Variants in NR2F2 observed in about 807,000 individuals in gnomAD.
NR2F2 encodes nuclear receptor subfamily 2 group F member 2, also known as COUP transcription factor 2.
In NR2F2, 2 loss-of-function variants were observed where a neutral mutation model predicts 34.8. The ratio of observed to expected loss-of-function variants is 0.06; its 90% CI spans 0.02 to 0.18. The LOEUF (loss-of-function observed/expected upper bound fraction) is 0.18, where lower values mean the gene tolerates loss of function less well. Ranked by LOEUF, NR2F2 falls within the 10% of genes least tolerant of loss-of-function variation. NR2F2 has a pLI of 1.00. For synonymous variants in NR2F2, 274 were observed against 251.8 expected, an observed-to-expected ratio of 1.09 and a Z score of -0.84; for missense variants, 300 against 580.1, an observed-to-expected ratio of 0.52 and a Z score of 4.96.
rs1899124843 is a variant in NR2F2, at chr15:96,331,075, C to A, written c.-1031C>A. On this transcript the variant is annotated 5_prime_UTR_variant, in exon 1 of 3. Transcript: ENST00000394166. ...GCGGCAGCAGCAGCAGCAGCGGCTCCGGCGGCGGCAGCAGCGGCAGCAGCG... is the reference window on the plus strand; with the variant it reads ...GCGGCAGCAGCAGCAGCAGCGGCTCAGGCGGCGGCAGCAGCGGCAGCAGCG... 2 of 1,237,610 alleles carry A rather than the reference C, an allele frequency of 1.6e-6. No homozygotes were observed. Among genetic ancestry groups the A allele is most frequent in the Non-Finnish European group, 2.0e-6 (2 of 994,086 alleles). 76.7% of individuals were successfully genotyped at this position (1,237,610 alleles called of 1,614,324 possible). A position where few individuals can be genotyped will look rare whatever the true frequency, so the allele number is the denominator to read the frequency against.
At position 96,332,285 on chromosome 15, in the gene NR2F2, G is replaced by GGGCGGCCCT; in HGVS notation, c.189_197dup (p.Gly65_Gly67dup). 1.3e-6 allele frequency: 2 copies of GGGCGGCCCT among 1,562,024 alleles called. No homozygotes were observed. The highest frequency in any genetic ancestry group is 8.7e-7 in the Non-Finnish European group (1 of 1,154,496). On this transcript the variant is annotated inframe_insertion, in exon 1 of 3. Coordinates refer to ENST00000394166, the MANE Select transcript of NR2F2 (RefSeq NM_021005.4). Reference sequence around the variant, plus strand: ...CAGCCCAGACGGCGGCCGGTGGCCAGGGCGGCCCTGGCGGCCCGGGTAGCG... The same window carrying GGGCGGCCCT: ...CAGCCCAGACGGCGGCCGGTGGCCAGGGCGGCCCTGGCGGCCCTGGCGGCCCGGGTAGCG...
In NR2F2 at chr15:96,334,575, C is replaced by T; in HGVS notation, c.942C>T (p.Cys314=). Reference sequence around the variant, plus strand: ...ACGTTGACTCAGCCGAGTACAGCTGCCTCAAGGCCATAGTCCTGTTCACCT... The same window carrying T: ...ACGTTGACTCAGCCGAGTACAGCTGTCTCAAGGCCATAGTCCTGTTCACCT... The part of the protein sequence containing the change: ...ALHVDSAEYS[C]LKAIVLFTSD... The change falls in exon 2 of 3, where the codon TGC becomes TGT. Residue 314 remains cysteine, a synonymous_variant. Coordinates refer to ENST00000394166, the MANE Select transcript of NR2F2 (RefSeq NM_021005.4). 6.2e-7 allele frequency: 1 copy of T among 1,610,596 alleles called. No individual in the cohort carries two copies. Among genetic ancestry groups the T allele is most frequent in the Non-Finnish European group, 8.5e-7 (1 of 1,178,082 alleles).
At chr15:96,336,387 A>G (rs1899328204) in intron 2 of NR2F2, among the ~76,000 whole-genome samples, 1 of 152,104 alleles carries the variant, frequency 6.6e-6, no homozygotes, top group Non-Finnish European at 1.5e-5. Context: ...AGAGTCCTAG[A>G]TATACATATG....
Sources: gnomAD v4.1 joint callset for allele counts (sites outside exome capture counted in the v4.1 genomes callset) on GRCh38, gnomAD v4.1.1 for gene constraint, MANE v1.5 for transcripts, NCBI Gene and HGNC (gene_info 2026-07-23, HGNC 2026-07-21) for gene names.